SLC17A6: variants seen among roughly 807,000 people sequenced by gnomAD.
The protein encoded by SLC17A6 is vesicular glutamate transporter 2.
A neutral mutation model predicts 67.1 loss-of-function variants in SLC17A6; 35 were observed. The observed-to-expected ratio is 0.52, with a 90% CI of 0.40 to 0.69. The LOEUF is 0.69. SLC17A6 is among the 30% of genes least tolerant of loss of function. The pLI is 0.00. For synonymous variants in SLC17A6, 285 were observed against 252.3 expected, an observed-to-expected ratio of 1.13 and a Z score of -1.23; for missense variants, 588 against 723.9, an observed-to-expected ratio of 0.81 and a Z score of 2.15.
At chr11:22,352,475 T>TC (rs1855951288) in intron 3 of SLC17A6, among the ~76,000 whole-genome samples, 1 of 152,216 alleles carries the variant, frequency 6.6e-6, no homozygotes, top group African/African-American at 2.4e-5. Context: ...AGATCTGTTA[T>TC]CACCTACATA....
chr11:22,356,371 A>T (rs1325034185), intron 3 of SLC17A6, among the ~76,000 whole-genome samples: 1 of 152,182 alleles, frequency 6.6e-6, no homozygotes, highest in Admixed American at 6.5e-5. Context: ...TTAGGGCAAG[A>T]ATTTTGATAA....
intron 1 of SLC17A6, among the ~76,000 whole-genome samples, chr11:22,339,561 G>A (rs960767073): frequency 1.3e-4 from 20 of 151,972 alleles, no homozygotes; most frequent in Non-Finnish European, 1.2e-4. Context: ...TATGTTATAT[G>A]GATACAGCTT....
In SLC17A6 at chr11:22,338,443, C is replaced by T; in HGVS notation, c.-91C>T. ...GCTGAGAAGGAAAAGCCCGCAACTA[C>T]TTTAAGAGATTAAGACAATATGCGC... is the stretch of plus-strand genomic sequence containing the variant. On this transcript the variant is annotated 5_prime_UTR_variant, in exon 1 of 12. Transcript: ENST00000263160. 3.2e-6 allele frequency: 3 copies of T among 937,258 alleles called. No individual in the cohort carries two copies. Among genetic ancestry groups the T allele is most frequent in the Non-Finnish European group, 5.1e-6 (3 of 590,386 alleles). The allele number at this position is 937,258 out of a possible 1,614,324, so 58.1% of individuals were successfully genotyped here.
At chr11:22,349,330 A>G (rs1194416676) in intron 3 of SLC17A6, among the ~76,000 whole-genome samples, 4 of 152,148 alleles carry the variant, frequency 2.6e-5, no homozygotes, top group Non-Finnish European at 5.9e-5. Context: ...CTAGCTGCCA[A>G]TCAAACATCT....
chr11:22,359,394 C>T lies in SLC17A6; in HGVS notation c.459-19C>T. The stretch of plus-strand genomic sequence containing the variant: ...GATGCTGAATCATTTAAACAGTGTT[C>T]TCATCTTTTCTATTTCAGGGTTTTC... On this transcript the variant is annotated intron_variant, in intron 3 of 11. Coordinates refer to ENST00000263160, the MANE Select transcript of SLC17A6 (RefSeq NM_020346.3). 2 of 1,482,456 alleles carry T rather than the reference C, an allele frequency of 1.3e-6. No homozygotes were observed. Among genetic ancestry groups the T allele is most frequent in the Non-Finnish European group, 1.8e-6 (2 of 1,085,404 alleles). The allele number at this position is 1,482,456 out of a possible 1,614,324, so 91.8% of individuals were successfully genotyped here.
intron 6 of SLC17A6, among the ~76,000 whole-genome samples, chr11:22,365,049 G>T (rs988299826): frequency 2.6e-5 from 4 of 152,070 alleles, no homozygotes; most frequent in Non-Finnish European, 5.9e-5. Flanking sequence ...TTATTTAATT[G>T]TCTGTTTGCC....
chr11:22,351,936 T>C (rs1200970937), intron 3 of SLC17A6, among the ~76,000 whole-genome samples: 1 of 151,922 alleles, frequency 6.6e-6, no homozygotes, highest in South Asian at 2.1e-4. Context: ...TATTTCCTTC[T>C]GTCTGCTAAT....
intron 3 of SLC17A6, among the ~76,000 whole-genome samples, chr11:22,351,195 A>C (rs1367739693): frequency 6.6e-6 from 1 of 152,128 alleles, no homozygotes; most frequent in Non-Finnish European, 1.5e-5. Context: ...CGTAATGTAC[A>C]TTATCTTTAT....
In SLC17A6 at chr11:22,377,637, A is replaced by G; in HGVS notation, c.1646A>G (p.Gln549Arg). ...GTTKSYGATT[Q>R]ANGGWPSGWE... is the part of the protein sequence containing the mutation. ...ACCAAGTCTTATGGTGCCACAACACAGGCCAATGGAGGTTGGCCTAGTGGT... is the reference window on the plus strand; with the variant it reads ...ACCAAGTCTTATGGTGCCACAACACGGGCCAATGGAGGTTGGCCTAGTGGT... The change falls in exon 12 of 12, where the codon CAG (glutamine) becomes CGG (arginine). Residue 549 changes from glutamine to arginine, a missense_variant. Gln to Arg is a conservative substitution (Grantham distance 43). Around this residue, in one of 4 missense-constraint regions of SLC17A6, gnomAD observed 414 missense variants for 563.4 expected, o/e 0.73. Coordinates refer to ENST00000263160, the MANE Select transcript of SLC17A6 (RefSeq NM_020346.3). 4 of 1,614,140 alleles carry G rather than the reference A, an allele frequency of 2.5e-6. No homozygotes were observed. The highest frequency in any genetic ancestry group is 3.4e-6 in the Non-Finnish European group (4 of 1,179,980).
At chr11:22,350,963 G>A (rs797011134) in intron 3 of SLC17A6, among the ~76,000 whole-genome samples, 1 of 151,816 alleles carries the variant, frequency 6.6e-6, no homozygotes, top group South Asian at 2.1e-4. Flanking sequence ...AAAATATACT[G>A]CCTGATATTA....
intron 7 of SLC17A6, among the ~76,000 whole-genome samples, chr11:22,367,369 A>C (rs891884690): frequency 6.6e-6 from 1 of 152,146 alleles, no homozygotes; most frequent in African/African-American, 2.4e-5. Context: ...TATAATTCAG[A>C]AGTTAAACTT....
rs762636160 is a variant in SLC17A6, at chr11:22,341,572, C to T, written c.131C>T (p.Thr44Met). The change falls in exon 2 of 12, where the codon ACG becomes ATG. Residue 44 changes from threonine to methionine, a missense_variant. Physicochemically the swap from Thr to Met is moderately conservative, Grantham distance 81. Coordinates refer to ENST00000263160, the MANE Select transcript of SLC17A6 (RefSeq NM_020346.3). ...KQDTGETIEL[T>M]EDGKPLEVPE... is the part of the protein sequence containing the mutation. ...GACACCGGGGAGACAATCGAGCTGA[C>T]GGAGGATGGGAAGCCCCTAGAGGTG... 6 of 1,613,996 alleles carry T rather than the reference C, an allele frequency of 3.7e-6. No homozygotes were observed. Among genetic ancestry groups the T allele is most frequent in the Middle Eastern group, 1.7e-4 (1 of 6,046 alleles).
rs1445310932 is a variant in SLC17A6 at position 22,377,712 on chromosome 11, G to A, written c.1721G>A (p.Ser574Asn). 1 of 1,593,376 alleles carries A rather than the reference G, an allele frequency of 6.3e-7. No homozygotes were observed. Among genetic ancestry groups the A allele is most frequent in the Non-Finnish European group, 8.5e-7 (1 of 1,170,742 alleles). Residue 574 changes from serine (S) to asparagine (N), a missense_variant, in exon 12 of 12, where the codon AGC becomes AAC. Around this residue, in one of 4 missense-constraint regions of SLC17A6, gnomAD observed 414 missense variants for 563.4 expected, o/e 0.73. Transcript: ENST00000263160. ...FVQGEVQDSH[S>N]YKDRVDYS ...CAAGGAGAAGTACAAGACTCACATA[G>A]CTATAAGGACCGAGTTGATTATTCA...
At position 22,378,344 on chromosome 11, in the gene SLC17A6, CACAA is replaced by C. The variant is rs1265803340; in HGVS notation, c.*608_*611del. 1 of 152,614 alleles carries C rather than the reference CACAA, an allele frequency of 6.6e-6. No homozygotes were observed. The highest frequency in any genetic ancestry group is 1.5e-5 in the Non-Finnish European group (1 of 68,052). 9.5% of individuals were successfully genotyped at this position (152,614 alleles called of 1,614,324 possible). A position where few individuals can be genotyped will look rare whatever the true frequency, so the allele number is the denominator to read the frequency against. ...CAGTGTTTTCTATGAAATGCTTGGG[CACAA>C]ACACTTATTTCTGTGAAAGAGAACA... On this transcript the variant is annotated 3_prime_UTR_variant, in exon 12 of 12. Transcript: ENST00000263160.
At chr11:22,346,197 G>C (rs1380882080) in intron 3 of SLC17A6, among the ~76,000 whole-genome samples, 1 of 152,116 alleles carries the variant, frequency 6.6e-6, no homozygotes, top group African/African-American at 2.4e-5. Flanking sequence ...TGCCACCACT[G>C]TTGTGGTGGA....
rs765713023 is a variant in SLC17A6, at chr11:22,370,012, A to T, written c.892-27A>T. On this transcript the variant is annotated intron_variant, in intron 7 of 11. Coordinates refer to ENST00000263160, the MANE Select transcript of SLC17A6 (RefSeq NM_020346.3). ...AGGTTTGAAAATATTTAAAATGGTC[A>T]TAATGTCTCTCTTTTTGGAATTTCA... 2.5e-6 allele frequency: 4 copies of T among 1,599,718 alleles called. No individual in the cohort carries two copies. In the Admixed American group the frequency reaches 5.3e-5, roughly 21 times the overall value.
At chr11:22,350,802 C>G (rs1855929251) in intron 3 of SLC17A6, among the ~76,000 whole-genome samples, 1 of 152,084 alleles carries the variant, frequency 6.6e-6, no homozygotes, top group African/African-American at 2.4e-5. Context: ...GCTTGAGATT[C>G]ATCTTACTAT....
Position 22,373,463 on chromosome 11 carries a change from A to AT in SLC17A6, c.1042-1281dup, listed in dbSNP as rs370116812. 4.5e-3 allele frequency among the ~76,000 whole-genome samples: 662 copies of AT among 147,612 alleles called. 10 individuals carry two copies. The highest frequency in any genetic ancestry group is 2.8e-3 in the South Asian group (13 of 4,652). On this transcript the variant is annotated intron_variant, in intron 8 of 11. Coordinates refer to ENST00000263160, the MANE Select transcript of SLC17A6 (RefSeq NM_020346.3). ...GATGCTAGTCTCAAAAGCAATAATG[A>AT]TTTTTTTTTTTAATGTCAGTTTACC...
chr11:22,364,582 A>G lies in SLC17A6; in HGVS notation c.749-965A>G, dbSNP rs547724492. Among the ~76,000 whole-genome samples the G allele has an allele frequency of 9.8e-4, 149 of 152,234 alleles. No individual in the cohort carries two copies. The Middle Eastern group carries it at 0.01, about 10-fold the overall frequency. ...ATGTTTACTGCAATGTTCAGTAGTT[A>G]AAAGGAACACAGCTCATCAGAAGCT... On this transcript the variant is annotated intron_variant, in intron 6 of 11. Coordinates refer to ENST00000263160, the MANE Select transcript of SLC17A6 (RefSeq NM_020346.3).
Sources: gnomAD v4.1 joint callset for allele counts (sites outside exome capture counted in the v4.1 genomes callset) on GRCh38, gnomAD v4.1.1 for gene constraint, gnomAD v4.1.1 regional missense constraint, MANE v1.5 for transcripts, NCBI Gene and HGNC (gene_info 2026-07-23, HGNC 2026-07-21) for gene names.